The following PIAS1 variants were observed in gnomAD, a reference collection of about 807,000 sequenced individuals.
PIAS1 encodes E3 SUMO-protein ligase PIAS1.
In PIAS1, 6 loss-of-function variants were observed where a neutral mutation model predicts 71.3. The ratio of observed to expected loss-of-function variants is 0.08; its 90% CI spans 0.05 to 0.17. The LOEUF (loss-of-function observed/expected upper bound fraction) is 0.17, where lower values mean the gene tolerates loss of function less well. Among genes scored for constraint, PIAS1 ranks in the 10% least tolerant of loss-of-function variants. PIAS1 has a pLI of 1.00. For synonymous variants in PIAS1, 303 were observed against 292.9 expected (o/e 1.03, Z -0.35); for missense variants, 555 against 793.6 (o/e 0.70, Z 3.61).
intron 2 of PIAS1, among the ~76,000 whole-genome samples, chr15:68,130,276 G>A (rs1281105467): frequency 6.6e-6 from 1 of 151,818 alleles, no homozygotes; most frequent in African/African-American, 2.4e-5. Context: ...TTGCAGATCT[G>A]ATTAAACAAA....
At chr15:68,140,809 G>T (rs911285067) in intron 2 of PIAS1, among the ~76,000 whole-genome samples, 19 of 152,134 alleles carry the variant, frequency 1.2e-4, no homozygotes, top group African/African-American at 4.3e-4. Context: ...CAGGCCTTAA[G>T]TGCCCCAGAA....
chr15:68,143,980 A>G (rs2092790078), intron 4 of PIAS1, among the ~76,000 whole-genome samples: 1 of 152,136 alleles, frequency 6.6e-6, no homozygotes, highest in Non-Finnish European at 1.5e-5. Context: ...TTGTATTAAT[A>G]TACATACATT....
chr15:68,145,949 A>G, intron 5 of PIAS1, 43 bp downstream of exon 5: 1 of 1,082,210 alleles, frequency 9.2e-7, no homozygotes, highest in Non-Finnish European at 1.4e-6. Context: ...TGCCAACATA[A>G]CTATCAAATA....
intron 2 of PIAS1, among the ~76,000 whole-genome samples, chr15:68,126,241 T>C (rs553188355): frequency 7.9e-4 from 121 of 152,288 alleles, no homozygotes; most frequent in South Asian, 1.9e-3. Context: ...TTGGAACTCC[T>C]ATTCCCAGAC....
chr15:68,148,795 G>C (rs749060078), intron 6 of PIAS1, among the ~76,000 whole-genome samples: 1 of 152,184 alleles, frequency 6.6e-6, no homozygotes, highest in Non-Finnish European at 1.5e-5. Flanking sequence ...ACTCCTTGGA[G>C]TGGTAAATAG....
chr15:68,083,885 A>T (rs952575954), intron 1 of PIAS1, among the ~76,000 whole-genome samples: 1 of 152,102 alleles, frequency 6.6e-6, no homozygotes, highest in African/African-American at 2.4e-5. Flanking sequence ...AAACAAAACT[A>T]AAAAGCTTGG....
chr15:68,081,931 G>T (rs1314395908), intron 1 of PIAS1, among the ~76,000 whole-genome samples: 1 of 151,690 alleles, frequency 6.6e-6, no homozygotes, highest in African/African-American at 2.4e-5. Context: ...CCAACCCCAA[G>T]GCACAACATT....
chr15:68,071,051 A>G (rs2092090015), intron 1 of PIAS1, among the ~76,000 whole-genome samples: 1 of 152,154 alleles, frequency 6.6e-6, no homozygotes, highest in Non-Finnish European at 1.5e-5. Context: ...TAGAATGGGA[A>G]TTAGGTGGGA....
chr15:68,149,780 G>GT (rs1438757389), intron 6 of PIAS1, among the ~76,000 whole-genome samples: 2 of 151,956 alleles, frequency 1.3e-5, no homozygotes, highest in Non-Finnish European at 2.9e-5. Flanking sequence ...ACAGTTTTGA[G>GT]TTTTAGGTAT....
chr15:68,179,021 G>T (rs1040790352), intron 11 of PIAS1, among the ~76,000 whole-genome samples: 1 of 152,130 alleles, frequency 6.6e-6, no homozygotes, highest in Non-Finnish European at 1.5e-5. Flanking sequence ...TCTATTTGCA[G>T]ATAAAAACAA....
chr15:68,149,972 A>T (rs1454048973), intron 6 of PIAS1, among the ~76,000 whole-genome samples: 1 of 152,084 alleles, frequency 6.6e-6, no homozygotes, highest in Non-Finnish European at 1.5e-5. Flanking sequence ...TTTTGATAGA[A>T]TATTATATCA....
intron 8 of PIAS1, among the ~76,000 whole-genome samples, chr15:68,169,497 A>T (rs1595785608): frequency 6.6e-6 from 1 of 152,112 alleles, no homozygotes; most frequent in Non-Finnish European, 1.5e-5. Context: ...AACATGGCGA[A>T]CCCTGTCTCT....
At chr15:68,179,596 A>T in intron 11 of PIAS1, among the ~76,000 whole-genome samples, 1 of 15,950 alleles carries the variant, frequency 6.3e-5, no homozygotes. Flanking sequence ...TTTTTTTGAG[A>T]CAGAGTTTCA....
intron 11 of PIAS1, among the ~76,000 whole-genome samples, chr15:68,177,701 G>A (rs2093029090): frequency 6.6e-6 from 1 of 152,130 alleles, no homozygotes; most frequent in South Asian, 2.1e-4. Flanking sequence ...TCTGGGGGGT[G>A]GTAAAACAAG....
In PIAS1 at chr15:68,161,996, A is replaced by G. The variant is rs150443045; in HGVS notation, c.935-2735A>G. ...ACTCTGTCACCCAGGCTGGAGTGCA[A>G]TGGCAGCAATTTCAGCTCACTGCAA... On this transcript the variant is annotated intron_variant, in intron 7 of 13. Transcript: ENST00000249636. 2.3e-3 allele frequency among the ~76,000 whole-genome samples: 343 copies of G among 151,918 alleles called. 3 individuals are homozygous for G. Among genetic ancestry groups the G allele is most frequent in the Non-Finnish European group, 3.4e-3 (233 of 67,922 alleles).
At chr15:68,080,928 AT>A (rs1357239210) in intron 1 of PIAS1, among the ~76,000 whole-genome samples, 1 of 152,226 alleles carries the variant, frequency 6.6e-6, no homozygotes, top group African/African-American at 2.4e-5. Context: ...AAGAGTAATT[AT>A]GTTGTTCAAC....
intron 1 of PIAS1, among the ~76,000 whole-genome samples, chr15:68,067,499 G>T (rs1444232164): frequency 6.6e-6 from 1 of 151,246 alleles, no homozygotes; most frequent in Non-Finnish European, 1.5e-5. Context: ...CTGTCATTTT[G>T]TTTCTCTTTA....
At chr15:68,179,069 A>G (rs563636168) in intron 11 of PIAS1, among the ~76,000 whole-genome samples, 1 of 152,228 alleles carries the variant, frequency 6.6e-6, no homozygotes, top group African/African-American at 2.4e-5. Flanking sequence ...GGAGAATAAC[A>G]CACCATAGTC....
chr15:68,177,044 C>T lies in PIAS1; in HGVS notation c.1481+390C>T, dbSNP rs767789371. Among the ~76,000 whole-genome samples the T allele has an allele frequency of 4.9e-4, 74 of 152,140 alleles. 1 individual carries two copies. The Middle Eastern group carries it at 0.01, about 21-fold the overall frequency. On this transcript the variant is annotated intron_variant, in intron 11 of 13. Coordinates refer to ENST00000249636, the MANE Select transcript of PIAS1 (RefSeq NM_016166.3). ...CCTGTAATCCTAGGACTTTGGGAGGCTGAGGCAGGTGGATTGTCCAAGCTC... is the reference window on the plus strand; with the variant it reads ...CCTGTAATCCTAGGACTTTGGGAGGTTGAGGCAGGTGGATTGTCCAAGCTC...
Sources: gnomAD v4.1 joint callset for allele counts (sites outside exome capture counted in the v4.1 genomes callset) on GRCh38, gnomAD v4.1.1 for gene constraint, MANE v1.5 for transcripts, NCBI Gene and HGNC (gene_info 2026-07-23, HGNC 2026-07-21) for gene names.